TMEM33: variants seen among roughly 807,000 people sequenced by gnomAD.
TMEM33 encodes the protein transmembrane protein 33.
TMEM33 carries 16 observed loss-of-function variants against 29.7 expected under a neutral mutation model. That is an observed-to-expected ratio of 0.54 (90% CI 0.36 to 0.82). The LOEUF (loss-of-function observed/expected upper bound fraction) is 0.82. Ranked by LOEUF, TMEM33 falls within the 40% of genes least tolerant of loss-of-function variation. TMEM33 has a pLI of 0.00. For missense variants in TMEM33, 252 were observed against 295.3 expected (o/e 0.85, Z 1.08); for synonymous variants, 112 against 109.4 (o/e 1.02, Z -0.15).
chr4:41,936,269 AG>A (rs1712227262), intron 1 of TMEM33, among the ~76,000 whole-genome samples: 1 of 152,238 alleles, frequency 6.6e-6, no homozygotes, highest in African/African-American at 2.4e-5. Flanking sequence ...GGGCTGGCGC[AG>A]TGGCTCACTC....
In TMEM33 at chr4:41,958,441, C is replaced by T. The variant is rs1283115257; in HGVS notation, c.*4242C>T. ...GTCTATCCAGTTTTTTCTTTTCATGCTAAGTGCCTACATCACCGAAACACA... is the reference window on the plus strand; with the variant it reads ...GTCTATCCAGTTTTTTCTTTTCATGTTAAGTGCCTACATCACCGAAACACA... On this transcript the variant is annotated 3_prime_UTR_variant, in exon 7 of 7. Transcript: ENST00000504986. The T allele has an allele frequency of 6.6e-6, 1 of 152,108 alleles. No individual in the cohort carries two copies. Among genetic ancestry groups the T allele is most frequent in the Non-Finnish European group, 1.5e-5 (1 of 68,012 alleles). 9.4% of individuals were successfully genotyped at this position (152,108 alleles called of 1,614,324 possible).
chr4:41,935,668 G>T (rs1011809674), intron 1 of TMEM33, 139 bp downstream of exon 1: 2 of 859,358 alleles, frequency 2.3e-6, no homozygotes, highest in African/African-American at 3.4e-5. Flanking sequence ...AAGTTGGAGC[G>T]GGGAGAGGGG....
In TMEM33 at chr4:41,959,547, T is replaced by C. The variant is rs909688918; in HGVS notation, c.*5348T>C. 2 of 152,240 alleles carry C rather than the reference T, an allele frequency of 1.3e-5. No homozygotes were observed. The highest frequency in any genetic ancestry group is 4.1e-4 in the South Asian group (2 of 4,836). The allele number at this position is 152,240 out of a possible 1,614,324, so 9.4% of individuals were successfully genotyped here. A position where few individuals can be genotyped will look rare whatever the true frequency, so the allele number is the denominator to read the frequency against. On this transcript the variant is annotated 3_prime_UTR_variant, in exon 7 of 7. Coordinates refer to ENST00000504986, the MANE Select transcript of TMEM33 (RefSeq NM_018126.3). ...ATGAGAAAGAGTGGCCTAAGAATTA[T>C]TTCATGTTACCTAGCCTTCTGAAGC...
Position 41,959,853 on chromosome 4 carries a change from G to C in TMEM33, c.*5654G>C, listed in dbSNP as rs1437388109. 1.3e-5 allele frequency: 2 copies of C among 152,102 alleles called. No individual in the cohort carries two copies. Among genetic ancestry groups the C allele is most frequent in the African/African-American group, 4.8e-5 (2 of 41,412 alleles). 9.4% of individuals were successfully genotyped at this position (152,102 alleles called of 1,614,324 possible). A position where few individuals can be genotyped will look rare whatever the true frequency, so the allele number is the denominator to read the frequency against. On this transcript the variant is annotated 3_prime_UTR_variant, in exon 7 of 7. Coordinates refer to ENST00000504986, the MANE Select transcript of TMEM33 (RefSeq NM_018126.3). ...TTGATTTATAAAGGCATTACTTTTGGTGCTTTATATAATGGCATATATTGA... is the reference window on the plus strand; with the variant it reads ...TTGATTTATAAAGGCATTACTTTTGCTGCTTTATATAATGGCATATATTGA...
chr4:41,948,613 A>G (rs1330758136), intron 5 of TMEM33, among the ~76,000 whole-genome samples: 1 of 152,094 alleles, frequency 6.6e-6, no homozygotes, highest in Non-Finnish European at 1.5e-5. Flanking sequence ...CAGAGTTGCT[A>G]TGTAATTTTC....
intron 3 of TMEM33, 78 bp from the exon 4 acceptor site, chr4:41,943,669 A>G: frequency 7.8e-7 from 1 of 1,280,466 alleles, no homozygotes; most frequent in Non-Finnish European, 1.1e-6. Context: ...TCACATCTGT[A>G]TATTTGGACA....
chr4:41,947,341 T>A (rs1712841892), intron 5 of TMEM33, among the ~76,000 whole-genome samples: 1 of 152,162 alleles, frequency 6.6e-6, no homozygotes, highest in Non-Finnish European at 1.5e-5. Flanking sequence ...AAATAATTTC[T>A]TATGCTCCTC....
At chr4:41,946,638 AAGC>A (rs985982619) in intron 5 of TMEM33, among the ~76,000 whole-genome samples, 6 of 152,306 alleles carry the variant, frequency 3.9e-5, no homozygotes, top group Middle Eastern at 3.4e-3. Context: ...AATTTAATAA[AAGC>A]ATCCTCTTAT....
At chr4:41,951,125 G>A (rs73153247) in intron 6 of TMEM33, among the ~76,000 whole-genome samples, 17,627 of 152,066 alleles carry the variant, frequency 0.12, 1,263 homozygotes, top group African/African-American at 0.19. Flanking sequence ...TTTCACCTAC[G>A]ATATTTATTC....
Position 41,954,302 on chromosome 4 carries a change from T to C in TMEM33, c.*103T>C. ...AGGTGTTACACTGACCTCAATCCAA[T>C]TTACATAATTTACATAAATGCATCT... is the stretch of plus-strand genomic sequence containing the variant. On this transcript the variant is annotated 3_prime_UTR_variant, in exon 7 of 7. Coordinates refer to ENST00000504986, the MANE Select transcript of TMEM33 (RefSeq NM_018126.3). 9.4e-7 allele frequency: 1 copy of C among 1,061,620 alleles called. No individual in the cohort carries two copies. The highest frequency in any genetic ancestry group is 1.3e-6 in the Non-Finnish European group (1 of 760,654). 65.8% of individuals were successfully genotyped at this position (1,061,620 alleles called of 1,614,324 possible).
At chr4:41,948,645 T>C (rs902513221) in intron 5 of TMEM33, among the ~76,000 whole-genome samples, 2 of 152,138 alleles carry the variant, frequency 1.3e-5, no homozygotes, top group Non-Finnish European at 2.9e-5. Flanking sequence ...TCTAGGTAGT[T>C]GCATATTAAA....
chr4:41,935,342 G>T, upstream of TMEM33: 1 of 888,874 alleles, frequency 1.1e-6, no homozygotes, highest in Non-Finnish European at 1.8e-6. Context: ...TGGAGGCTCA[G>T]AGTTCCGGCA....
At position 41,958,759 on chromosome 4, in the gene TMEM33, A is replaced by C. The variant is rs926201823; in HGVS notation, c.*4560A>C. The stretch of plus-strand genomic sequence containing the variant: ...ATTCTCACTCAGTTGCCCAGGCTGG[A>C]GTGCAGTGGTGCAGTCTTGGCTCAC... On this transcript the variant is annotated 3_prime_UTR_variant, in exon 7 of 7. Transcript: ENST00000504986. 8.1e-6 allele frequency: 1 copy of C among 122,714 alleles called. No homozygotes were observed. The highest frequency in any genetic ancestry group is 1.1e-4 in the Admixed American group (1 of 9,026). 7.6% of individuals were successfully genotyped at this position (122,714 alleles called of 1,614,324 possible). A position where few individuals can be genotyped will look rare whatever the true frequency, so the allele number is the denominator to read the frequency against.
chr4:41,939,695 T>TC (rs1354113160), intron 3 of TMEM33: 1 of 470,728 alleles, frequency 2.1e-6, no homozygotes, highest in Non-Finnish European at 4.2e-6. Context: ...TACATTTTTT[T>TC]CATTTAATTC....
chr4:41,960,223 C>T lies in TMEM33; in HGVS notation c.*6024C>T, dbSNP rs550910625. 1 of 152,200 alleles carries T rather than the reference C, an allele frequency of 6.6e-6. No homozygotes were observed. The highest frequency in any genetic ancestry group is 2.4e-5 in the African/African-American group (1 of 41,538). The allele number at this position is 152,200 out of a possible 1,614,324, so 9.4% of individuals were successfully genotyped here. The stretch of plus-strand genomic sequence containing the variant: ...TCTTTTATGCAGTGATTTACTGGTC[C>T]CTACTGATTTCCAAATTGGATCACG... On this transcript the variant is annotated 3_prime_UTR_variant, in exon 7 of 7. Coordinates refer to ENST00000504986, the MANE Select transcript of TMEM33 (RefSeq NM_018126.3).
chr4:41,947,234 C>G (rs1486602043), intron 5 of TMEM33, among the ~76,000 whole-genome samples: 1 of 126,608 alleles, frequency 7.9e-6, no homozygotes, highest in South Asian at 2.5e-4. Flanking sequence ...GACTCCCTCT[C>G]AAAAAAAAAA....
intron 1 of TMEM33, 32 bp from the exon 2 acceptor site, chr4:41,938,570 A>G (rs1012401545): frequency 1.7e-5 from 27 of 1,587,970 alleles, no homozygotes; most frequent in Non-Finnish European, 2.2e-5. Context: ...ATTTGCAGGC[A>G]TAGCTTACAG....
chr4:41,942,077 T>C (rs955329484), intron 3 of TMEM33, among the ~76,000 whole-genome samples: 14 of 152,212 alleles, frequency 9.2e-5, no homozygotes, highest in Non-Finnish European at 2.1e-4. Context: ...GGAACTCAGG[T>C]ATCTTGACTC....
intron 5 of TMEM33, among the ~76,000 whole-genome samples, chr4:41,947,171 G>A (rs1351654929): frequency 1.3e-5 from 2 of 151,728 alleles, no homozygotes; most frequent in Admixed American, 1.3e-4. Flanking sequence ...TGGAGGCAGA[G>A]GTTGCAGTGA....
Sources: gnomAD v4.1 joint callset for allele counts (sites outside exome capture counted in the v4.1 genomes callset) on GRCh38, gnomAD v4.1.1 for gene constraint, MANE v1.5 for transcripts, NCBI Gene and HGNC (gene_info 2026-07-23, HGNC 2026-07-21) for gene names.